Variants in CCDC91 observed in about 807,000 individuals in gnomAD.
CCDC91 encodes the protein coiled-coil domain containing 91, also known as coiled-coil domain-containing protein 91.
Under a neutral mutation model 63.2 loss-of-function variants are expected in CCDC91, and 48 were observed. The observed-to-expected ratio is 0.76, with a 90% confidence interval of 0.60 to 0.97. The LOEUF (loss-of-function observed/expected upper bound fraction) is 0.97. CCDC91 is among the 50% of genes least tolerant of loss of function. The pLI is 0.00. For synonymous variants in CCDC91, 167 were observed against 165.8 expected, an observed-to-expected ratio of 1.01 and a Z score of -0.06; for missense variants, 500 against 494.6, an observed-to-expected ratio of 1.01 and a Z score of -0.10.
chr12:28,298,741 C>A (rs1377672059), intron 3 of CCDC91, among the ~76,000 whole-genome samples: 2 of 142,010 alleles, frequency 1.4e-5, no homozygotes. Context: ...AAAAAAACAA[C>A]AACAACAACA....
At chr12:28,289,777 C>T (rs764867973) in intron 3 of CCDC91, among the ~76,000 whole-genome samples, 151 of 149,618 alleles carry the variant, frequency 1.0e-3, no homozygotes, top group Middle Eastern at 3.6e-3. Context: ...CTGCAAGCTC[C>T]GCCTCCCAAG....
chr12:28,243,494 G>A (rs1446107372), intron 1 of CCDC91, among the ~76,000 whole-genome samples: 1 of 152,052 alleles, frequency 6.6e-6, no homozygotes, highest in East Asian at 1.9e-4. Flanking sequence ...TGATAGATTG[G>A]TATACGTAAA....
chr12:28,351,656 C>G (rs1943187806), intron 6 of CCDC91, among the ~76,000 whole-genome samples: 2 of 151,600 alleles, frequency 1.3e-5, no homozygotes, highest in South Asian at 4.2e-4. Context: ...AACCGTAGAT[C>G]TAACCTCAGG....
At chr12:28,413,917 T>G (rs2139768465) in intron 8 of CCDC91, among the ~76,000 whole-genome samples, 2 of 152,348 alleles carry the variant, frequency 1.3e-5, no homozygotes, top group East Asian at 3.9e-4. Context: ...CACTTTCTGA[T>G]GAATACGGTA....
chr12:28,197,593 G>A (rs1336296638), intron 1 of CCDC91, among the ~76,000 whole-genome samples: 1 of 152,112 alleles, frequency 6.6e-6, no homozygotes, highest in Non-Finnish European at 1.5e-5. Context: ...GTAAGTGGTA[G>A]AGCTTGAGTT....
chr12:28,200,952 G>A (rs1327244084), intron 1 of CCDC91, among the ~76,000 whole-genome samples: 1 of 146,686 alleles, frequency 6.8e-6, no homozygotes, highest in Non-Finnish European at 1.5e-5. Context: ...CGGGCAGGGG[G>A]CTGACCCCCC....
At chr12:28,277,755 G>A (rs1422128461) in intron 3 of CCDC91, among the ~76,000 whole-genome samples, 1 of 151,632 alleles carries the variant, frequency 6.6e-6, no homozygotes, top group African/African-American at 2.4e-5. Context: ...TGGTTTCTTT[G>A]CCTTGTAATT....
intron 11 of CCDC91, among the ~76,000 whole-genome samples, chr12:28,477,654 GA>G (rs1198527341): frequency 3.9e-5 from 6 of 152,094 alleles, no homozygotes; most frequent in African/African-American, 1.2e-4. Flanking sequence ...ATTCAATCAG[GA>G]AAAGAGGAAG....
rs76436270 is a variant in CCDC91 at position 28,384,674 on chromosome 12, T to C, written c.655-6630T>C. Among the ~76,000 whole-genome samples, 1,403 of 152,282 alleles carry C rather than the reference T, an allele frequency of 9.2e-3. 27 individuals carry two copies. The highest frequency in any genetic ancestry group is 0.032 in the African/African-American group (1,334 of 41,582). ...CCACGAAAAGAGAAATCTGCTTTAC[T>C]GGGCTAGAAAAGCTAAGACAAATGG... On this transcript the variant is annotated intron_variant, in intron 7 of 12. Transcript: ENST00000536442.
At chr12:28,471,107 A>T (rs898600465) in intron 11 of CCDC91, among the ~76,000 whole-genome samples, 159 of 152,300 alleles carry the variant, frequency 1.0e-3, no homozygotes, top group African/African-American at 3.5e-3. Flanking sequence ...AAGAACATGA[A>T]TTTCTAGATT....
intron 8 of CCDC91, among the ~76,000 whole-genome samples, chr12:28,430,431 A>C (rs910591931): frequency 1.3e-5 from 2 of 152,082 alleles, no homozygotes; most frequent in African/African-American, 4.8e-5. Context: ...CTGGAATGGA[A>C]ATCTTATTAC....
At chr12:28,479,876 T>C (rs1273386945) in intron 11 of CCDC91, among the ~76,000 whole-genome samples, 1 of 151,996 alleles carries the variant, frequency 6.6e-6, no homozygotes, top group Non-Finnish European at 1.5e-5. Context: ...TGATATATCA[T>C]ATGGGGTGAG....
At chr12:28,303,883 A>T in intron 3 of CCDC91, among the ~76,000 whole-genome samples, 1 of 152,080 alleles carries the variant, frequency 6.6e-6, no homozygotes, top group African/African-American at 2.4e-5. Context: ...AGTTATTTTC[A>T]TGCCTTTAAA....
chr12:28,366,377 T>A (rs1284657805), intron 7 of CCDC91, among the ~76,000 whole-genome samples: 1 of 152,184 alleles, frequency 6.6e-6, no homozygotes, highest in African/African-American at 2.4e-5. Context: ...ACGAAAAGCC[T>A]GCTTTCTCTA....
chr12:28,521,411 C>T (rs573392298), intron 12 of CCDC91, among the ~76,000 whole-genome samples: 8 of 152,188 alleles, frequency 5.3e-5, no homozygotes, highest in African/African-American at 9.6e-5. Flanking sequence ...GTGATTTTTG[C>T]ACATTGATTC....
intron 1 of CCDC91, among the ~76,000 whole-genome samples, chr12:28,243,589 A>G (rs1592087567): frequency 6.6e-6 from 1 of 152,308 alleles, no homozygotes; most frequent in Non-Finnish European, 1.5e-5. Context: ...AGGGTATACA[A>G]TATATGAAGA....
intron 7 of CCDC91, among the ~76,000 whole-genome samples, chr12:28,375,664 A>G (rs1259143812): frequency 6.6e-6 from 1 of 151,966 alleles, no homozygotes; most frequent in Non-Finnish European, 1.5e-5. Context: ...AATTAATGAC[A>G]GTAAAATTAA....
chr12:28,441,073 A>G (rs1188188302), intron 8 of CCDC91, among the ~76,000 whole-genome samples: 4 of 26,784 alleles, frequency 1.5e-4, no homozygotes, highest in Non-Finnish European at 2.5e-4. Context: ...AAAAAAAAAA[A>G]AAAAAAAAAA....
chr12:28,434,594 G>GTTTTTT (rs376645678), intron 8 of CCDC91, among the ~76,000 whole-genome samples: 1,341 of 73,570 alleles, frequency 0.018, 3 homozygotes, highest in African/African-American at 0.027. Flanking sequence ...CCTTGGTCTG[G>GTTTTTT]TTTTTTTTTT....
Sources: gnomAD v4.1 joint callset for allele counts (sites outside exome capture counted in the v4.1 genomes callset) on GRCh38, gnomAD v4.1.1 for gene constraint, MANE v1.5 for transcripts, NCBI Gene and HGNC (gene_info 2026-07-23, HGNC 2026-07-21) for gene names.